HERC3: variants seen among roughly 807,000 people sequenced by gnomAD.
HERC3 encodes the protein HECT and RLD domain containing E3 ubiquitin protein ligase 3.
Under a neutral mutation model 129.9 loss-of-function variants are expected in HERC3, and 58 were observed. The observed-to-expected ratio is 0.45, with a 90% confidence interval of 0.36 to 0.56. HERC3 has a LOEUF of 0.56. Among genes scored for constraint, HERC3 ranks in the 20% least tolerant of loss-of-function variants. The pLI, the probability that HERC3 is intolerant of heterozygous loss-of-function variation, is 0.00. For synonymous variants in HERC3, 430 were observed against 451.0 expected (o/e 0.95, Z 0.59); for missense variants, 835 against 1,244.2 (o/e 0.67, Z 4.95).
intron 7 of HERC3, among the ~76,000 whole-genome samples, chr4:88,654,356 A>T (rs544808585): frequency 1.7e-5 from 1 of 60,514 alleles, no homozygotes; most frequent in African/African-American, 1.4e-4. Context: ...TTTCATATAT[A>T]TATATATATA....
chr4:88,553,915 G>A, the HERC3 span, among the ~76,000 whole-genome samples: 6 of 152,300 alleles, frequency 3.9e-5, no homozygotes, highest in South Asian at 2.1e-4. Context: ...AGCAGAGATC[G>A]CGCCACTGCA....
At chr4:88,631,534 G>A (rs1726759096) in intron 3 of HERC3, among the ~76,000 whole-genome samples, 1 of 152,162 alleles carries the variant, frequency 6.6e-6, no homozygotes, top group African/African-American at 2.4e-5. Flanking sequence ...GAAAAGATTT[G>A]GCTTAATGAT....
the HERC3 span, among the ~76,000 whole-genome samples, chr4:88,570,240 G>A: frequency 6.6e-6 from 1 of 151,952 alleles, no homozygotes; most frequent in Non-Finnish European, 1.5e-5. Flanking sequence ...AAAGTGGGAT[G>A]GTATACAGTT....
intron 2 of HERC3, among the ~76,000 whole-genome samples, chr4:88,603,579 C>G (rs72882923): frequency 0.047 from 7,160 of 152,198 alleles, 552 homozygotes; most frequent in African/African-American, 0.16. Flanking sequence ...GGGATTTCCC[C>G]CGTCTCCTTT....
chr4:88,596,526 GA>G, intron 2 of HERC3, among the ~76,000 whole-genome samples: 1 of 152,350 alleles, frequency 6.6e-6, no homozygotes, highest in Middle Eastern at 3.4e-3. Context: ...ACTCTGCTGA[GA>G]ATGGAAGGCA....
the HERC3 span, among the ~76,000 whole-genome samples, chr4:88,585,494 G>T: frequency 6.7e-6 from 1 of 149,906 alleles, no homozygotes; most frequent in East Asian, 2.0e-4. Context: ...TTCTATTGAT[G>T]ATGAGACAAA....
At chr4:88,660,241 G>A (rs1272645305) in intron 10 of HERC3, among the ~76,000 whole-genome samples, 5 of 150,880 alleles carry the variant, frequency 3.3e-5, no homozygotes, top group South Asian at 2.1e-4. Flanking sequence ...TTGCTTTGTC[G>A]CCCAGGCTGG....
intron 2 of HERC3, among the ~76,000 whole-genome samples, chr4:88,604,545 T>C: frequency 6.6e-6 from 1 of 152,266 alleles, no homozygotes; most frequent in Admixed American, 6.5e-5. Context: ...CGGAATCATA[T>C]AATTTGTGGA....
At chr4:88,683,590 G>A (rs1200282301) in intron 21 of HERC3, among the ~76,000 whole-genome samples, 2 of 152,156 alleles carry the variant, frequency 1.3e-5, no homozygotes, top group Non-Finnish European at 2.9e-5. Flanking sequence ...TTCCACACTA[G>A]GACTTCTCTT....
At chr4:88,611,214 T>C (rs1259907847) in intron 3 of HERC3, among the ~76,000 whole-genome samples, 2 of 152,230 alleles carry the variant, frequency 1.3e-5, no homozygotes, top group Non-Finnish European at 2.9e-5. Context: ...GGTGGGTGCC[T>C]CCCTCTCTCC....
chr4:88,555,390 A>G, the HERC3 span, among the ~76,000 whole-genome samples: 1 of 152,192 alleles, frequency 6.6e-6, no homozygotes, highest in East Asian at 1.9e-4. Context: ...ATTTAAATGT[A>G]GTGGAGTATG....
chr4:88,558,932 C>T, the HERC3 span, among the ~76,000 whole-genome samples: 4 of 148,592 alleles, frequency 2.7e-5, no homozygotes, highest in East Asian at 2.0e-4. Context: ...CATGCCACTG[C>T]GCTCCAGCCT....
intron 3 of HERC3, among the ~76,000 whole-genome samples, chr4:88,634,059 A>G (rs1727077103): frequency 6.6e-6 from 1 of 152,200 alleles, no homozygotes; most frequent in Admixed American, 6.5e-5. Flanking sequence ...CTGACTAGGC[A>G]GCCGGCATGA....
At chr4:88,642,041 G>C (rs1728155495) in intron 3 of HERC3, among the ~76,000 whole-genome samples, 1 of 145,968 alleles carries the variant, frequency 6.9e-6, no homozygotes, top group South Asian at 2.2e-4. Flanking sequence ...TGAGGAAGGA[G>C]AATTACTTGA....
chr4:88,686,362 G>A (rs1733457042), intron 21 of HERC3, among the ~76,000 whole-genome samples: 1 of 152,124 alleles, frequency 6.6e-6, no homozygotes, highest in Non-Finnish European at 1.5e-5. Context: ...TAATGCATAA[G>A]CCGGTGAAGC....
chr4:88,617,958 A>G (rs1369710138), intron 3 of HERC3, among the ~76,000 whole-genome samples: 1 of 152,154 alleles, frequency 6.6e-6, no homozygotes, highest in Non-Finnish European at 1.5e-5. Flanking sequence ...GTTTCCCTCA[A>G]GGAAGTGGAG....
chr4:88,666,269 A>G (rs145150381), intron 12 of HERC3, among the ~76,000 whole-genome samples: 5 of 152,310 alleles, frequency 3.3e-5, no homozygotes, highest in African/African-American at 1.2e-4. Flanking sequence ...TGTAGCGTAC[A>G]TAGGATGCAT....
intron 2 of HERC3, among the ~76,000 whole-genome samples, chr4:88,596,145 G>A (rs1440954777): frequency 1.3e-5 from 2 of 152,102 alleles, no homozygotes; most frequent in African/African-American, 4.8e-5. Flanking sequence ...CACCGCGCCT[G>A]GCCAAGCACT....
At chr4:88,611,446 G>A (rs772183636) in intron 3 of HERC3, among the ~76,000 whole-genome samples, 2 of 152,226 alleles carry the variant, frequency 1.3e-5, no homozygotes, top group Non-Finnish European at 2.9e-5. Context: ...AGTAGCTTCT[G>A]TGGTATTTGG....
Sources: gnomAD v4.1 joint callset for allele counts (sites outside exome capture counted in the v4.1 genomes callset) on GRCh38, gnomAD v4.1.1 for gene constraint, MANE v1.5 for transcripts, NCBI Gene and HGNC (gene_info 2026-07-23, HGNC 2026-07-21) for gene names.